The following ST3GAL1 variants were observed in gnomAD, a reference collection of about 807,000 sequenced individuals.
ST3GAL1 encodes the protein ST3 beta-galactoside alpha-2,3-sialyltransferase 1, also known as CMP-N-acetylneuraminate-beta-galactosamide-alpha-2,3-sialyltransferase 1.
In ST3GAL1, 16 loss-of-function variants were observed where a neutral mutation model predicts 34.1. That is an observed-to-expected ratio of 0.47 (90% CI 0.32 to 0.71). The LOEUF (loss-of-function observed/expected upper bound fraction) is 0.71. Ranked by LOEUF, ST3GAL1 falls within the 30% of genes least tolerant of loss-of-function variation. The pLI is 0.04. For synonymous variants in ST3GAL1, 191 were observed against 184.7 expected (o/e 1.03, Z -0.28); for missense variants, 353 against 447.4 (o/e 0.79, Z 1.90).
At chr8:133,497,441 T>C (rs1239768632) in intron 3 of ST3GAL1, among the ~76,000 whole-genome samples, 2 of 145,572 alleles carry the variant, frequency 1.4e-5, no homozygotes, top group African/African-American at 2.5e-5. Flanking sequence ...TTCTCTCCCA[T>C]GCAATTTTGT....
intron 2 of ST3GAL1, among the ~76,000 whole-genome samples, chr8:133,528,780 T>A (rs1408563608): frequency 2.0e-5 from 3 of 152,228 alleles, no homozygotes; most frequent in African/African-American, 7.2e-5. Context: ...CCCCTGGAGC[T>A]AGGGTATTAG....
chr8:133,497,766 C>A (rs553211680), intron 3 of ST3GAL1, among the ~76,000 whole-genome samples: 1 of 152,102 alleles, frequency 6.6e-6, no homozygotes, highest in African/African-American at 2.4e-5. Flanking sequence ...AACCACCATG[C>A]CCAGCGGATT....
At chr8:133,522,293 A>G (rs1478516687) in intron 2 of ST3GAL1, among the ~76,000 whole-genome samples, 2 of 152,232 alleles carry the variant, frequency 1.3e-5, no homozygotes, top group Non-Finnish European at 2.9e-5. Context: ...AATCTAAAAA[A>G]AATTGCAAAT....
At chr8:133,464,641 TG>T in intron 7 of ST3GAL1, 136 bp downstream of exon 7, 1 of 894,238 alleles carries the variant, frequency 1.1e-6, no homozygotes, top group Non-Finnish European at 1.7e-6. Context: ...CCACGGGAAC[TG>T]GGCTTGTGTG....
At chr8:133,465,697 G>A in intron 6 of ST3GAL1, 197 bp downstream of exon 6, 4 of 558,776 alleles carry the variant, frequency 7.2e-6, no homozygotes, top group Non-Finnish European at 9.2e-6. Flanking sequence ...GGCCCTTCTA[G>A]TCCATTCCAA....
intron 1 of ST3GAL1, among the ~76,000 whole-genome samples, chr8:133,567,618 C>A (rs184147698): frequency 6.6e-6 from 1 of 152,266 alleles, no homozygotes; most frequent in African/African-American, 2.4e-5. Context: ...TGTCAGGTTT[C>A]AGACCTCAGA....
At chr8:133,471,431 T>C (rs1266157745) in intron 5 of ST3GAL1, among the ~76,000 whole-genome samples, 1 of 152,194 alleles carries the variant, frequency 6.6e-6, no homozygotes, top group African/African-American at 2.4e-5. Context: ...AAGCGCATGT[T>C]CTATGGTTGC....
intron 5 of ST3GAL1, among the ~76,000 whole-genome samples, chr8:133,470,019 C>T (rs1255611075): frequency 6.6e-6 from 1 of 152,216 alleles, no homozygotes; most frequent in Admixed American, 6.5e-5. Flanking sequence ...ATAGTAAGTC[C>T]TCCCCACACC....
chr8:133,544,231 A>G (rs1386676697), intron 2 of ST3GAL1: 1 of 152,264 alleles, frequency 6.6e-6, no homozygotes. Flanking sequence ...GTGCATCTCA[A>G]TGATCAGCCC....
intron 2 of ST3GAL1, among the ~76,000 whole-genome samples, chr8:133,541,148 G>GAGAC (rs1554618913): frequency 2.1e-4 from 27 of 130,160 alleles, no homozygotes; most frequent in Non-Finnish European, 3.4e-4. Flanking sequence ...GAGAGAGAGA[G>GAGAC]AGAGACTGTG....
At chr8:133,475,047 C>T (rs1189475857) in intron 5 of ST3GAL1, among the ~76,000 whole-genome samples, 1 of 152,194 alleles carries the variant, frequency 6.6e-6, no homozygotes, top group Non-Finnish European at 1.5e-5. Context: ...GGAAAAAGCG[C>T]CTCTGTGGGT....
At chr8:133,563,175 G>C (rs1422503696) in intron 1 of ST3GAL1, among the ~76,000 whole-genome samples, 1 of 152,008 alleles carries the variant, frequency 6.6e-6, no homozygotes, top group Non-Finnish European at 1.5e-5. Context: ...TATTGCATTT[G>C]ATCTTTTCTT....
intron 3 of ST3GAL1, among the ~76,000 whole-genome samples, chr8:133,492,676 C>A (rs906886937): frequency 6.6e-6 from 1 of 152,218 alleles, no homozygotes; most frequent in South Asian, 2.1e-4. Flanking sequence ...GAGCTGAGAT[C>A]GCACCACTGC....
chr8:133,464,209 C>T (rs1815636248), intron 7 of ST3GAL1, among the ~76,000 whole-genome samples: 1 of 152,146 alleles, frequency 6.6e-6, no homozygotes. Flanking sequence ...CTGGGAGGAG[C>T]TAATGATAAT....
At chr8:133,465,675 T>C in intron 6 of ST3GAL1, 1 of 470,188 alleles carries the variant, frequency 2.1e-6, no homozygotes, top group East Asian at 3.4e-5. Flanking sequence ...TGGCTTCCTC[T>C]CTGCACGCAG....
At chr8:133,551,598 GAAAGAAA>G (rs1818860866) in intron 1 of ST3GAL1, among the ~76,000 whole-genome samples, 2 of 150,596 alleles carry the variant, frequency 1.3e-5, no homozygotes, top group African/African-American at 4.9e-5. Flanking sequence ...AAGAAAGAAA[GAAAGAAA>G]GAAAGAAAGA....
intron 2 of ST3GAL1, among the ~76,000 whole-genome samples, chr8:133,537,216 G>C (rs183447826): frequency 6.6e-6 from 1 of 152,158 alleles, no homozygotes; most frequent in East Asian, 1.9e-4. Flanking sequence ...AGAGAGATGC[G>C]TGGGGGGAGG....
intron 2 of ST3GAL1, among the ~76,000 whole-genome samples, chr8:133,527,387 G>A (rs1474023568): frequency 1.3e-5 from 2 of 152,108 alleles, no homozygotes; most frequent in African/African-American, 4.8e-5. Flanking sequence ...TGAGGTGGTG[G>A]GGTGAGAAGT....
chr8:133,563,450 G>T (rs117555140), intron 1 of ST3GAL1, among the ~76,000 whole-genome samples: 7,063 of 152,166 alleles, frequency 0.046, 239 homozygotes, highest in Non-Finnish European at 0.064. Flanking sequence ...CTAAGTTTCC[G>T]CACTAGGCCC....
Sources: gnomAD v4.1 joint callset for allele counts (sites outside exome capture counted in the v4.1 genomes callset) on GRCh38, gnomAD v4.1.1 for gene constraint, MANE v1.5 for transcripts, NCBI Gene and HGNC (gene_info 2026-07-23, HGNC 2026-07-21) for gene names.